The following NTM variants were observed in gnomAD, a reference collection of about 807,000 sequenced individuals.
NTM encodes the protein neurotrimin, also known as IgLON family member 2.
Under a neutral mutation model 42.1 loss-of-function variants are expected in NTM, and 13 were observed. That is an observed-to-expected ratio of 0.31 (90% CI 0.20 to 0.49). The LOEUF (loss-of-function observed/expected upper bound fraction) is 0.49. Among genes scored for constraint, NTM ranks in the 20% least tolerant of loss-of-function variants. The probability of loss-of-function intolerance (pLI) is 0.99; values close to 1 mark genes in which losing one functional copy is unlikely to be tolerated. For synonymous variants in NTM, 187 were observed against 179.2 expected (o/e 1.04, Z -0.35); for missense variants, 373 against 452.8 (o/e 0.82, Z 1.60).
chr11:131,420,709 C>T (rs1366009403), intron 1 of NTM, among the ~76,000 whole-genome samples: 6 of 152,152 alleles, frequency 3.9e-5, no homozygotes, highest in Admixed American at 3.9e-4. Flanking sequence ...GAATTCAAGG[C>T]TTGGGCATCT....
intron 1 of NTM, chr11:131,796,023 C>T: frequency 1.0e-6 from 1 of 985,360 alleles, no homozygotes; most frequent in Non-Finnish European, 1.2e-6. Context: ...CAATCAGCTG[C>T]CAGCCAGCAT....
intron 4 of NTM, among the ~76,000 whole-genome samples, chr11:132,255,264 G>A (rs1591559092): frequency 6.6e-6 from 1 of 152,166 alleles, no homozygotes; most frequent in Middle Eastern, 3.4e-3. Context: ...CTCTCTTTTA[G>A]CTGTCTTTTA....
At chr11:131,805,249 G>A (rs2092415664) in intron 1 of NTM, among the ~76,000 whole-genome samples, 1 of 152,142 alleles carries the variant, frequency 6.6e-6, no homozygotes, top group Admixed American at 6.5e-5. Flanking sequence ...CTTTACATGA[G>A]CATGTACTAT....
chr11:131,989,716 T>TGC (rs994359380), intron 2 of NTM, among the ~76,000 whole-genome samples: 4 of 101,748 alleles, frequency 3.9e-5, no homozygotes, highest in African/African-American at 1.7e-4. Flanking sequence ...TTTAGATACA[T>TGC]GCACACACAC....
At chr11:131,632,863 CG>C (rs2063802641) in intron 1 of NTM, among the ~76,000 whole-genome samples, 1 of 148,384 alleles carries the variant, frequency 6.7e-6, no homozygotes, top group Non-Finnish European at 1.5e-5. Context: ...TTAGTAGAGA[CG>C]GGGTTTCACC....
At chr11:131,620,518 T>A (rs2062417015) in intron 1 of NTM, among the ~76,000 whole-genome samples, 1 of 152,150 alleles carries the variant, frequency 6.6e-6, no homozygotes, top group Non-Finnish European at 1.5e-5. Context: ...ATGATCCCAT[T>A]CCTGTCACCT....
intron 2 of NTM, among the ~76,000 whole-genome samples, chr11:131,946,017 G>C (rs1045379160): frequency 6.6e-6 from 1 of 152,190 alleles, no homozygotes; most frequent in Non-Finnish European, 1.5e-5. Context: ...ATGAACTGGG[G>C]TTAGTTACAT....
At chr11:131,802,765 C>T (rs1322150828) in intron 1 of NTM, among the ~76,000 whole-genome samples, 2 of 152,194 alleles carry the variant, frequency 1.3e-5, no homozygotes, top group Admixed American at 6.6e-5. Context: ...ATAGTCAGAG[C>T]CTGAGAAACT....
intron 2 of NTM, among the ~76,000 whole-genome samples, chr11:132,128,971 G>T (rs2066343095): frequency 6.8e-6 from 1 of 147,440 alleles, no homozygotes; most frequent in Non-Finnish European, 1.5e-5. Context: ...AAAAAAAGAG[G>T]CTGGTAAGGT....
chr11:131,464,517 T>C (rs1951712479), intron 1 of NTM, among the ~76,000 whole-genome samples: 1 of 152,140 alleles, frequency 6.6e-6, no homozygotes, highest in South Asian at 2.1e-4. Flanking sequence ...TCCCACCCTC[T>C]CTGTTTCCTT....
At chr11:131,787,159 A>G (rs554531228) in intron 1 of NTM, among the ~76,000 whole-genome samples, 19 of 152,004 alleles carry the variant, frequency 1.2e-4, no homozygotes, top group Non-Finnish European at 2.6e-4. Context: ...ACTTTCAGTA[A>G]CCTTTTGATT....
chr11:132,086,372 T>G (rs1322815268), intron 2 of NTM, among the ~76,000 whole-genome samples: 2 of 150,076 alleles, frequency 1.3e-5, no homozygotes, highest in Non-Finnish European at 3.0e-5. Flanking sequence ...GAAAGGTAAT[T>G]CAGTCGATTG....
intron 4 of NTM, among the ~76,000 whole-genome samples, chr11:132,304,173 A>G (rs947567505): frequency 6.6e-6 from 1 of 152,244 alleles, no homozygotes; most frequent in Non-Finnish European, 1.5e-5. Flanking sequence ...TGACAGAAAA[A>G]TAAGGAGCCA....
chr11:131,526,892 TA>T (rs961819593), intron 1 of NTM, among the ~76,000 whole-genome samples: 25 of 152,238 alleles, frequency 1.6e-4, no homozygotes, highest in African/African-American at 5.3e-4. Context: ...CTTCTCTCCA[TA>T]CACAAATGGA....
chr11:132,285,597 A>G (rs1466713958), intron 4 of NTM, among the ~76,000 whole-genome samples: 3 of 152,036 alleles, frequency 2.0e-5, no homozygotes, highest in African/African-American at 7.2e-5. Flanking sequence ...GGCACCACCC[A>G]TTACACTTAT....
At chr11:131,814,585 A>C (rs916870923) in intron 1 of NTM, among the ~76,000 whole-genome samples, 6 of 152,336 alleles carry the variant, frequency 3.9e-5, no homozygotes, top group Admixed American at 1.3e-4. Context: ...AATGGTGTGG[A>C]TCCTAAAAGG....
At chr11:131,516,189 A>G (rs903172448) in intron 1 of NTM, among the ~76,000 whole-genome samples, 1 of 152,184 alleles carries the variant, frequency 6.6e-6, no homozygotes, top group African/African-American at 2.4e-5. Flanking sequence ...TTTTACATAT[A>G]TTATCTCATC....
chr11:131,786,634 C>G (rs1305544592), intron 1 of NTM, among the ~76,000 whole-genome samples: 1 of 151,994 alleles, frequency 6.6e-6, no homozygotes, highest in Admixed American at 6.5e-5. Flanking sequence ...ACATATACAG[C>G]CATGATTGTG....
intron 1 of NTM, among the ~76,000 whole-genome samples, chr11:131,853,620 C>G (rs1019371035): frequency 6.6e-6 from 1 of 152,148 alleles, no homozygotes; most frequent in African/African-American, 2.4e-5. Flanking sequence ...AAATATACTA[C>G]GTTTTCTTTA....
Sources: allele counts gnomAD v4.1 joint callset (sites outside exome capture counted in the v4.1 genomes callset), GRCh38; gene constraint gnomAD v4.1.1; transcripts MANE v1.5; gene names NCBI Gene and HGNC (gene_info 2026-07-23, HGNC 2026-07-21).